CCDC39: variants seen among roughly 807,000 people sequenced by gnomAD.
The protein encoded by CCDC39 is coiled-coil domain-containing protein 39.
In CCDC39, 113 loss-of-function variants were observed where a neutral mutation model predicts 121.0. That is an observed-to-expected ratio of 0.93 (90% CI 0.80 to 1.09). CCDC39 has a LOEUF of 1.09. CCDC39 is among the 50% of genes least tolerant of loss of function. The probability of loss-of-function intolerance (pLI) is 0.00; values close to 1 mark genes in which losing one functional copy is unlikely to be tolerated. For missense variants in CCDC39, 1,063 were observed against 1,074.7 expected (o/e 0.99, Z 0.15); for synonymous variants, 349 against 352.2 (o/e 0.99, Z 0.10).
intron 13 of CCDC39, among the ~76,000 whole-genome samples, chr3:180,641,273 A>T (rs986376001): frequency 6.6e-6 from 1 of 152,094 alleles, no homozygotes; most frequent in Non-Finnish European, 1.5e-5. Flanking sequence ...ATAGGAGCTC[A>T]ATGTGGTAAA....
intron 1 of CCDC39, among the ~76,000 whole-genome samples, chr3:180,675,244 C>T (rs1305040199): frequency 6.6e-6 from 1 of 152,124 alleles, no homozygotes; most frequent in Non-Finnish European, 1.5e-5. Context: ...TCCATTTCTT[C>T]TAGATTTTCT....
intron 1 of CCDC39, among the ~76,000 whole-genome samples, chr3:180,677,355 C>G (rs1258082563): frequency 6.7e-6 from 1 of 150,098 alleles, no homozygotes; most frequent in Non-Finnish European, 1.5e-5. Context: ...TAAAGCAAAT[C>G]AAGTATAAAA....
chr3:180,633,861 G>A (rs1429000809), intron 13 of CCDC39, among the ~76,000 whole-genome samples: 6 of 152,086 alleles, frequency 3.9e-5, no homozygotes, highest in Admixed American at 1.3e-4. Flanking sequence ...GCCCCAGCCC[G>A]TGACCACAGA....
intron 11 of CCDC39, among the ~76,000 whole-genome samples, chr3:180,646,683 G>T (rs1474941121): frequency 6.6e-6 from 1 of 152,006 alleles, no homozygotes; most frequent in East Asian, 1.9e-4. Flanking sequence ...TAGAAAACTA[G>T]AACTTATCAA....
chr3:180,652,317 A>T, intron 7 of CCDC39, 51 bp from the exon 8 acceptor site: 1 of 1,108,668 alleles, frequency 9.0e-7, no homozygotes, highest in Non-Finnish European at 1.3e-6. Flanking sequence ...GTATCTTATA[A>T]CTTATTTCAT....
chr3:180,677,168 TTATATATATATATATATA>T (rs58408770), intron 1 of CCDC39, among the ~76,000 whole-genome samples: 1,066 of 35,186 alleles, frequency 0.03, 76 homozygotes, highest in Admixed American at 0.11. Flanking sequence ...AATAATAATT[TTATATATATATATATATA>T]TATATATATA....
intron 11 of CCDC39, among the ~76,000 whole-genome samples, chr3:180,645,411 C>T (rs1475075803): frequency 2.0e-5 from 3 of 151,968 alleles, no homozygotes; most frequent in African/African-American, 4.8e-5. Context: ...TTATTCCCTT[C>T]TTGTTTCCTA....
intron 16 of CCDC39, chr3:180,617,463 A>T: frequency 1.5e-6 from 1 of 688,752 alleles, no homozygotes; most frequent in South Asian, 1.6e-5. Context: ...GGGCATTGTT[A>T]TCATAGATGA....
chr3:180,659,929 A>G (rs950240722), intron 4 of CCDC39, among the ~76,000 whole-genome samples, 160 bp from the exon 5 acceptor site: 1 of 152,086 alleles, frequency 6.6e-6, no homozygotes, highest in African/African-American at 2.4e-5. Context: ...TAACCCCAAA[A>G]AGCTAATCTA....
intron 6 of CCDC39, among the ~76,000 whole-genome samples, chr3:180,656,994 C>G (rs1335023954): frequency 1.3e-5 from 2 of 152,160 alleles, no homozygotes; most frequent in Non-Finnish European, 2.9e-5. Flanking sequence ...TATGGAATAG[C>G]CATTCCTTTA....
At chr3:180,677,168 TTATATATATATATATA>T (rs58408770) in intron 1 of CCDC39, among the ~76,000 whole-genome samples, 737 of 35,176 alleles carry the variant, frequency 0.021, 28 homozygotes, top group South Asian at 0.043. Context: ...AATAATAATT[TTATATATATATATATA>T]TATATATATA....
intron 1 of CCDC39, among the ~76,000 whole-genome samples, chr3:180,675,629 T>C (rs1712174882): frequency 1.3e-5 from 2 of 152,170 alleles, no homozygotes; most frequent in Non-Finnish European, 2.9e-5. Context: ...GTGCTATAAA[T>C]TTCCCTCTAC....
chr3:180,648,106 C>T, intron 10 of CCDC39, 59 bp downstream of exon 10: 1 of 1,362,562 alleles, frequency 7.3e-7, no homozygotes, highest in Non-Finnish European at 1.0e-6. Flanking sequence ...CATGGCGTAT[C>T]TTGACCATCA....
rs141820404 is a variant in CCDC39, at chr3:180,651,152, G to A, written c.1167+249C>T. Among the ~76,000 whole-genome samples the A allele has an allele frequency of 1.9e-4, 29 of 151,920 alleles. No homozygotes were observed. In the East Asian group the frequency reaches 4.5e-3, roughly 23 times the overall value. On this transcript the variant is annotated intron_variant, in intron 9 of 19. Transcript: ENST00000476379. ...GGAGGTTGCAGTGAGCCAAGATCTCGCCATTGCACTTTAGCCTGGGCAACA... is the reference window on the plus strand; with the variant it reads ...GGAGGTTGCAGTGAGCCAAGATCTCACCATTGCACTTTAGCCTGGGCAACA...
At chr3:180,659,237 A>G (rs141689438) in intron 6 of CCDC39, among the ~76,000 whole-genome samples, 1 of 152,342 alleles carries the variant, frequency 6.6e-6, no homozygotes, top group East Asian at 1.9e-4. Flanking sequence ...AGATGACAGG[A>G]TCCAGTGTTT....
Position 180,650,147 on chromosome 3 carries a change from C to T in CCDC39, c.1167+1254G>A, listed in dbSNP as rs76628642. ...AGAGTCAGGTCACACTTATAGTTCA[C>T]ACTTATAGTTCACTTTGAAGTTTTC... On this transcript the variant is annotated intron_variant, in intron 9 of 19. Coordinates refer to ENST00000476379, the MANE Select transcript of CCDC39 (RefSeq NM_181426.2). Among the ~76,000 whole-genome samples, 357 of 152,288 alleles carry T rather than the reference C, an allele frequency of 2.3e-3. 12 individuals carry two copies. The East Asian group carries it at 0.057, about 24-fold the overall frequency.
rs753826573 is a variant in CCDC39, at chr3:180,616,498, TAGA to T, written c.2586+15_2586+17del. On this transcript the variant is annotated intron_variant, in intron 18 of 19. Coordinates refer to ENST00000476379, the MANE Select transcript of CCDC39 (RefSeq NM_181426.2). ...CATGAAGTTTTTAAGAAATATTTAA[TAGA>T]AGGTGCTGTATTACCTGTTGAAAGT... The T allele has an allele frequency of 3.2e-5, 48 of 1,515,126 alleles. No individual in the cohort carries two copies. The highest frequency in any genetic ancestry group is 4.2e-5 in the Non-Finnish European group (48 of 1,131,708). The allele number at this position is 1,515,126 out of a possible 1,614,324, so 93.9% of individuals were successfully genotyped here.
chr3:180,675,786 C>T (rs1374719007), intron 1 of CCDC39, among the ~76,000 whole-genome samples: 1 of 151,900 alleles, frequency 6.6e-6, no homozygotes, highest in Non-Finnish European at 1.5e-5. Flanking sequence ...GGTACTGGTA[C>T]CAAAACAGAG....
intron 6 of CCDC39, among the ~76,000 whole-genome samples, chr3:180,657,510 T>A (rs947207984): frequency 2.0e-5 from 3 of 152,312 alleles, no homozygotes; most frequent in Admixed American, 2.0e-4. Context: ...AATTTTACAT[T>A]ATCAAGCCCA....
Sources: gnomAD v4.1 joint callset for allele counts (sites outside exome capture counted in the v4.1 genomes callset) on GRCh38, gnomAD v4.1.1 for gene constraint, MANE v1.5 for transcripts, NCBI Gene and HGNC (gene_info 2026-07-23, HGNC 2026-07-21) for gene names.